The following FILIP1 variants were observed in gnomAD, a reference collection of about 807,000 sequenced individuals.
FILIP1 encodes the protein filamin-A-interacting protein 1.
In FILIP1, 61 loss-of-function variants were observed where a neutral mutation model predicts 102.1. The ratio of observed to expected loss-of-function variants is 0.60; its 90% CI spans 0.49 to 0.74. FILIP1 has a LOEUF of 0.74. Among genes scored for constraint, FILIP1 ranks in the 30% least tolerant of loss-of-function variants. The probability of loss-of-function intolerance (pLI) is 0.00; values close to 1 mark genes in which losing one functional copy is unlikely to be tolerated. For synonymous variants in FILIP1, 491 were observed against 526.9 expected (o/e 0.93, Z 0.93); for missense variants, 1,314 against 1,441.2 (o/e 0.91, Z 1.43).
At chr6:75,349,427 G>A (rs555656375) in intron 4 of FILIP1, among the ~76,000 whole-genome samples, 1 of 152,054 alleles carries the variant, frequency 6.6e-6, no homozygotes, top group African/African-American at 2.4e-5. Context: ...CACCACCGGC[G>A]GGAGAAGCTG....
intron 1 of FILIP1, among the ~76,000 whole-genome samples, chr6:75,426,894 C>A (rs1204441982): frequency 6.6e-6 from 1 of 152,116 alleles, no homozygotes; most frequent in Non-Finnish European, 1.5e-5. Flanking sequence ...AGCAGCCCCA[C>A]ATTTTCATTT....
At chr6:75,481,114 A>T (rs1332377471) in intron 1 of FILIP1, among the ~76,000 whole-genome samples, 1 of 152,188 alleles carries the variant, frequency 6.6e-6, no homozygotes, top group Non-Finnish European at 1.5e-5. Context: ...TCTCTGGACC[A>T]ATCACTGACC....
rs78380281 is a variant in FILIP1 at position 75,424,102 on chromosome 6, T to A, written c.-6-9124A>T. ...AAGGAAAATGAGGCTTACAGACTTG[T>A]AGCCATTTGCCCAAACAATATGGCC... On this transcript the variant is annotated intron_variant, in intron 1 of 5. Coordinates refer to ENST00000237172, the MANE Select transcript of FILIP1 (RefSeq NM_015687.5). 1.4e-3 allele frequency among the ~76,000 whole-genome samples: 220 copies of A among 152,304 alleles called. 3 individuals are homozygous for A. In the East Asian group the frequency reaches 0.033, roughly 23 times the overall value.
intron 1 of FILIP1, among the ~76,000 whole-genome samples, chr6:75,443,709 A>T (rs1778350993): frequency 6.6e-6 from 1 of 152,360 alleles, no homozygotes; most frequent in Middle Eastern, 3.4e-3. Flanking sequence ...CTACATTCCC[A>T]TGCAACAACA....
chr6:75,360,509 G>A (rs1013398658), intron 3 of FILIP1, among the ~76,000 whole-genome samples: 3 of 152,118 alleles, frequency 2.0e-5, no homozygotes, highest in Admixed American at 1.3e-4. Context: ...AGATCCCACT[G>A]GCTTAGGCTA....
chr6:75,475,358 A>T (rs1779445637), intron 1 of FILIP1, among the ~76,000 whole-genome samples: 1 of 152,176 alleles, frequency 6.6e-6, no homozygotes, highest in Non-Finnish European at 1.5e-5. Context: ...CCTGAGAGCA[A>T]TCTGGCAGGA....
intron 1 of FILIP1, among the ~76,000 whole-genome samples, chr6:75,436,229 C>T (rs1177131534): frequency 1.3e-5 from 2 of 152,048 alleles, no homozygotes; most frequent in Middle Eastern, 3.4e-3. Flanking sequence ...AAAAGTTAGC[C>T]AGGCTAGCGG....
downstream of FILIP1, among the ~76,000 whole-genome samples, chr6:75,303,214 G>A (rs568083623): frequency 7.2e-5 from 11 of 152,184 alleles, no homozygotes; most frequent in African/African-American, 2.6e-4. Flanking sequence ...GAAGAAGATG[G>A]GGCAGTATTG....
At chr6:75,366,131 T>C (rs1460119271) in intron 2 of FILIP1, 1 of 152,196 alleles carries the variant, frequency 6.6e-6, no homozygotes, top group African/African-American at 2.4e-5. Flanking sequence ...TTATAGGTTT[T>C]CCCACCTAAT....
At chr6:75,360,422 C>T (rs1215982946) in intron 3 of FILIP1, among the ~76,000 whole-genome samples, 1 of 152,046 alleles carries the variant, frequency 6.6e-6, no homozygotes, top group Non-Finnish European at 1.5e-5. Context: ...TATATTAATA[C>T]AACTTTGAAA....
chr6:75,388,879 T>C (rs1776188342), intron 2 of FILIP1, among the ~76,000 whole-genome samples: 1 of 152,232 alleles, frequency 6.6e-6, no homozygotes, highest in African/African-American at 2.4e-5. Flanking sequence ...TCTTGCCTGA[T>C]TGCCCTGGCT....
In FILIP1 at chr6:75,312,681, G is replaced by C; in HGVS notation, c.3151C>G (p.Arg1051Gly). 1 of 1,614,154 alleles carries C rather than the reference G, an allele frequency of 6.2e-7. No homozygotes were observed. The change falls in exon 5 of 6, where the codon CGG (arginine) becomes GGG (glycine). Residue 1051 changes from arginine (R) to glycine (G), a missense_variant. This residue lies in a region of FILIP1 where 816 missense variants were observed against 913.1 expected (regional missense o/e 0.89). Transcript: ENST00000237172. ...PEKQTVPTPV[R>G]KYNSNANIIT... Reference sequence around the variant, plus strand: ...ATATTGGCATTGGAGTTGTATTTCCGTACTGGAGTTGGAACAGTCTGTTTT... The same window carrying C: ...ATATTGGCATTGGAGTTGTATTTCCCTACTGGAGTTGGAACAGTCTGTTTT...
chr6:75,344,292 A>C (rs1426849799), intron 4 of FILIP1, among the ~76,000 whole-genome samples: 1 of 152,158 alleles, frequency 6.6e-6, no homozygotes, highest in Non-Finnish European at 1.5e-5. Flanking sequence ...AGGCCACCTC[A>C]TCCACCTCAG....
chr6:75,491,977 A>C (rs1328849192), intron 1 of FILIP1, among the ~76,000 whole-genome samples: 1 of 152,198 alleles, frequency 6.6e-6, no homozygotes, highest in African/African-American at 2.4e-5. Flanking sequence ...CCTTCTTAGG[A>C]TAAAAACAAG....
chr6:75,350,093 A>G (rs1466771104), intron 4 of FILIP1, among the ~76,000 whole-genome samples: 1 of 152,184 alleles, frequency 6.6e-6, no homozygotes, highest in Non-Finnish European at 1.5e-5. Context: ...TAAGGTATCA[A>G]TCAGGTCCTA....
At chr6:75,411,355 CA>C (rs924421943) in intron 2 of FILIP1, among the ~76,000 whole-genome samples, 9 of 152,062 alleles carry the variant, frequency 5.9e-5, no homozygotes, top group African/African-American at 1.9e-4. Flanking sequence ...AATTTTCTTC[CA>C]TTCTGTAGGT....
At chr6:75,411,170 A>G (rs1777054864) in intron 2 of FILIP1, among the ~76,000 whole-genome samples, 1 of 152,248 alleles carries the variant, frequency 6.6e-6, no homozygotes, top group Non-Finnish European at 1.5e-5. Context: ...TCAAATGACC[A>G]GTGATGATGA....
At chr6:75,396,311 G>A (rs1367753474) in intron 2 of FILIP1, among the ~76,000 whole-genome samples, 1 of 151,788 alleles carries the variant, frequency 6.6e-6, no homozygotes, top group African/African-American at 2.4e-5. Flanking sequence ...CTCTTGCTGT[G>A]ATCTGGGGAA....
chr6:75,353,765 A>G lies in FILIP1; in HGVS notation c.451-48T>C, dbSNP rs370076225. ...GGGCTTAATATTTTATTGCATTTGCATAGGACTCTAAATAATTTGTTGACA... is the reference window on the plus strand; with the variant it reads ...GGGCTTAATATTTTATTGCATTTGCGTAGGACTCTAAATAATTTGTTGACA... On this transcript the variant is annotated intron_variant, in intron 3 of 5. Coordinates refer to ENST00000237172, the MANE Select transcript of FILIP1 (RefSeq NM_015687.5). 356 of 1,580,982 alleles carry G rather than the reference A, an allele frequency of 2.3e-4. No individual in the cohort carries two copies. The African/African-American group carries it at 4.3e-3, about 19-fold the overall frequency.
Sources: allele counts gnomAD v4.1 joint callset (sites outside exome capture counted in the v4.1 genomes callset), GRCh38; gene constraint gnomAD v4.1.1; regional missense constraint gnomAD v4.1.1; transcripts MANE v1.5; gene names NCBI Gene and HGNC (gene_info 2026-07-23, HGNC 2026-07-21).